RUNX2: variants seen among roughly 807,000 people sequenced by gnomAD.
RUNX2 encodes runt-related transcription factor 2.
A neutral mutation model predicts 51.7 loss-of-function variants in RUNX2; 10 were observed. That is an observed-to-expected ratio of 0.19 (90% CI 0.12 to 0.33). The LOEUF (loss-of-function observed/expected upper bound fraction) is 0.33. RUNX2 is among the 10% of genes least tolerant of loss of function. The pLI is 1.00. For missense variants in RUNX2, 562 were observed against 691.3 expected (o/e 0.81, Z 2.10); for synonymous variants, 276 against 273.6 (o/e 1.01, Z -0.09).
intron 3 of RUNX2, among the ~76,000 whole-genome samples, chr6:45,423,786 G>A (rs1210875683): frequency 6.6e-6 from 1 of 152,200 alleles, no homozygotes; most frequent in Non-Finnish European, 1.5e-5. Flanking sequence ...CGCAAGCCCC[G>A]AAGCGGGGGC....
chr6:45,359,635 T>C (rs1238672664), intron 2 of RUNX2, among the ~76,000 whole-genome samples: 1 of 152,196 alleles, frequency 6.6e-6, no homozygotes, highest in Non-Finnish European at 1.5e-5. Context: ...CTAATAAGTA[T>C]ATAGTAAGTA....
intron 2 of RUNX2, among the ~76,000 whole-genome samples, chr6:45,385,419 C>T (rs1285352167): frequency 6.6e-6 from 1 of 152,164 alleles, no homozygotes; most frequent in African/African-American, 2.4e-5. Context: ...GGATGAGCTG[C>T]CATCTGTCCT....
At chr6:45,501,358 T>C (rs1419947412) in intron 6 of RUNX2, among the ~76,000 whole-genome samples, 1 of 152,242 alleles carries the variant, frequency 6.6e-6, no homozygotes, top group African/African-American at 2.4e-5. Context: ...CACTGTACTT[T>C]TGCTCTTATT....
At chr6:45,405,619 T>A (rs1329869343) in intron 2 of RUNX2, among the ~76,000 whole-genome samples, 1 of 152,076 alleles carries the variant, frequency 6.6e-6, no homozygotes, top group Non-Finnish European at 1.5e-5. Flanking sequence ...TGAAACCCCG[T>A]CTCTACTGAA....
rs1476747280 is a variant in RUNX2, at chr6:45,491,618, G to GT, written c.686-320dup. Among the ~76,000 whole-genome samples, 110 of 105,230 alleles carry GT rather than the reference G, an allele frequency of 1.0e-3. 1 individual carries two copies. The highest frequency in any genetic ancestry group is 7.1e-3 in the Admixed American group (71 of 10,066). The allele number at this position is 105,230 out of a possible 152,430, so 69.0% of individuals were successfully genotyped here. On this transcript the variant is annotated intron_variant, in intron 5 of 8. Coordinates refer to ENST00000647337, the MANE Select transcript of RUNX2 (RefSeq NM_001024630.4). Reference sequence around the variant, plus strand: ...AACACCCCCAATACACATCTCTCCTGTTTGTTTTTTTTTTTTTTTTTTTTT... The same window carrying GT: ...AACACCCCCAATACACATCTCTCCTGTTTTGTTTTTTTTTTTTTTTTTTTTT...
intron 7 of RUNX2, among the ~76,000 whole-genome samples, chr6:45,524,027 G>A (rs1400173517): frequency 6.6e-6 from 1 of 152,094 alleles, no homozygotes; most frequent in African/African-American, 2.4e-5. Context: ...AAATGCAAAT[G>A]ACAGAACTTT....
intron 2 of RUNX2, among the ~76,000 whole-genome samples, chr6:45,369,769 G>T (rs1795745416): frequency 1.3e-5 from 2 of 152,132 alleles, no homozygotes; most frequent in African/African-American, 4.8e-5. Context: ...ACATTATAAT[G>T]CAAGAGACAA....
At chr6:45,481,197 T>G (rs1445829257) in intron 5 of RUNX2, among the ~76,000 whole-genome samples, 1 of 152,198 alleles carries the variant, frequency 6.6e-6, no homozygotes, top group Non-Finnish European at 1.5e-5. Context: ...CTAAGGAAAT[T>G]GAGCCAGGAT....
intron 2 of RUNX2, among the ~76,000 whole-genome samples, chr6:45,349,173 G>A (rs1311438016): frequency 6.6e-6 from 1 of 152,016 alleles, no homozygotes; most frequent in East Asian, 1.9e-4. Context: ...ACTAGAGGGG[G>A]AAAAAAGAAT....
At chr6:45,546,369 G>A (rs1802400644) in intron 8 of RUNX2, among the ~76,000 whole-genome samples, 1 of 152,150 alleles carries the variant, frequency 6.6e-6, no homozygotes, top group Non-Finnish European at 1.5e-5. Flanking sequence ...AGCCTACCAA[G>A]AGTAAATAAC....
At chr6:45,528,612 C>T (rs543399312) in intron 7 of RUNX2, among the ~76,000 whole-genome samples, 44 of 151,672 alleles carry the variant, frequency 2.9e-4, no homozygotes, top group African/African-American at 7.3e-4. Flanking sequence ...CAGAGGGAGA[C>T]TCTGTCTCAA....
chr6:45,389,444 G>A (rs1156863808), intron 2 of RUNX2, among the ~76,000 whole-genome samples: 2 of 152,170 alleles, frequency 1.3e-5, no homozygotes, highest in African/African-American at 4.8e-5. Flanking sequence ...TGATCAAGGT[G>A]ATTTAACCAA....
chr6:45,476,776 T>C (rs1799967616), intron 5 of RUNX2, among the ~76,000 whole-genome samples: 1 of 152,228 alleles, frequency 6.6e-6, no homozygotes, highest in South Asian at 2.1e-4. Flanking sequence ...TAATACATCT[T>C]TGTATAAGAA....
At position 45,423,557 on chromosome 6, in the gene RUNX2, C is replaced by A. The variant is rs540264000; in HGVS notation, c.423+600C>A. ...GCGGTCCTGGTCCCTCCCGGGCTCC[C>A]GTGCCGGGATTCGTGGGGTGCCGGT... On this transcript the variant is annotated intron_variant, in intron 3 of 8. Coordinates refer to ENST00000647337, the MANE Select transcript of RUNX2 (RefSeq NM_001024630.4). Among the ~76,000 whole-genome samples the A allele has an allele frequency of 4.6e-5, 7 of 152,306 alleles. 1 individual carries two copies. The highest frequency in any genetic ancestry group is 4.6e-4 in the Admixed American group (7 of 15,310).
intron 5 of RUNX2, among the ~76,000 whole-genome samples, chr6:45,472,808 C>T (rs1191708150): frequency 6.6e-6 from 1 of 152,032 alleles, no homozygotes; most frequent in Non-Finnish European, 1.5e-5. Context: ...TGTATTGATT[C>T]AAAGAGAGGT....
chr6:45,337,336 C>T (rs551662589), intron 2 of RUNX2, among the ~76,000 whole-genome samples: 1 of 151,748 alleles, frequency 6.6e-6, no homozygotes, highest in East Asian at 1.9e-4. Context: ...CCTGTACGTA[C>T]CTCTTCCTTA....
intron 3 of RUNX2, 108 bp from the exon 4 acceptor site, chr6:45,431,755 C>G (rs1201027976): frequency 7.7e-7 from 1 of 1,297,822 alleles, no homozygotes; most frequent in African/African-American, 1.5e-5. Context: ...CTGGACTGGA[C>G]TAGAACACTA....
chr6:45,384,550 G>A (rs746049348), intron 2 of RUNX2, among the ~76,000 whole-genome samples: 1 of 151,952 alleles, frequency 6.6e-6, no homozygotes, highest in Admixed American at 6.6e-5. Flanking sequence ...CTCCCAAAGT[G>A]CTGGGATTAC....
chr6:45,440,408 T>C (rs559824045), intron 5 of RUNX2, among the ~76,000 whole-genome samples: 69 of 152,324 alleles, frequency 4.5e-4, no homozygotes, highest in African/African-American at 1.6e-3. Context: ...GTTTGATTAG[T>C]TGGTGCATAT....
Sources: gnomAD v4.1 joint callset for allele counts (sites outside exome capture counted in the v4.1 genomes callset) on GRCh38, gnomAD v4.1.1 for gene constraint, MANE v1.5 for transcripts, NCBI Gene and HGNC (gene_info 2026-07-23, HGNC 2026-07-21) for gene names.